SORCS1: variants seen among roughly 807,000 people sequenced by gnomAD.
SORCS1 encodes sortilin related VPS10 domain containing receptor 1, also known as VPS10 domain-containing receptor SorCS1.
SORCS1 carries 60 observed loss-of-function variants against 146.1 expected under a neutral mutation model. The observed-to-expected ratio is 0.41, with a 90% confidence interval of 0.33 to 0.51. The LOEUF (loss-of-function observed/expected upper bound fraction) is 0.51. Among genes scored for constraint, SORCS1 ranks in the 20% least tolerant of loss-of-function variants. The probability of loss-of-function intolerance (pLI) is 0.21; values close to 1 mark genes in which losing one functional copy is unlikely to be tolerated. For synonymous variants in SORCS1, 637 were observed against 584.0 expected (o/e 1.09, Z -1.31); for missense variants, 1,352 against 1,487.6 (o/e 0.91, Z 1.50).
At chr10:107,118,730 C>T (rs1267766442) in intron 1 of SORCS1, among the ~76,000 whole-genome samples, 1 of 152,162 alleles carries the variant, frequency 6.6e-6, no homozygotes, top group Non-Finnish European at 1.5e-5. Context: ...GCAATAGTAA[C>T]TACATTTTTT....
In SORCS1 at chr10:106,735,327, C is replaced by A. The variant is rs531229473; in HGVS notation, c.960-5213G>T. Among the ~76,000 whole-genome samples the A allele has an allele frequency of 8.8e-4, 134 of 152,116 alleles. 1 individual carries two copies. Among genetic ancestry groups the A allele is most frequent in the South Asian group, 1.7e-3 (8 of 4,806 alleles). On this transcript the variant is annotated intron_variant, in intron 5 of 25. Coordinates refer to ENST00000263054, the MANE Select transcript of SORCS1 (RefSeq NM_052918.5). Reference sequence around the variant, plus strand: ...TATTTAGTCAGTGAAACATTCCAAACCCCTACTATGAAATAAGAATGAGGG... The same window carrying A: ...TATTTAGTCAGTGAAACATTCCAAAACCCTACTATGAAATAAGAATGAGGG...
chr10:107,058,080 C>T (rs1011060549), intron 1 of SORCS1, among the ~76,000 whole-genome samples: 2 of 152,052 alleles, frequency 1.3e-5, no homozygotes, highest in Admixed American at 6.5e-5. Context: ...CTTGCTCTGT[C>T]GCCCAGGCTG....
chr10:106,581,704 A>T (rs1844927537), intron 24 of SORCS1, among the ~76,000 whole-genome samples: 1 of 152,172 alleles, frequency 6.6e-6, no homozygotes, highest in Non-Finnish European at 1.5e-5. Context: ...CACAACCTCC[A>T]ACCACTGGAT....
At chr10:106,678,772 CT>C (rs926638223) in intron 12 of SORCS1, among the ~76,000 whole-genome samples, 1 of 152,172 alleles carries the variant, frequency 6.6e-6, no homozygotes, top group African/African-American at 2.4e-5. Context: ...GGTTATTACT[CT>C]GTCTTTTGCA....
At chr10:106,637,263 G>C (rs890998028) in intron 18 of SORCS1, among the ~76,000 whole-genome samples, 1 of 152,170 alleles carries the variant, frequency 6.6e-6, no homozygotes, top group Non-Finnish European at 1.5e-5. Flanking sequence ...GTCCTCTCTG[G>C]CTTCTCTTCC....
intron 3 of SORCS1, among the ~76,000 whole-genome samples, chr10:106,820,892 G>C (rs1423795034): frequency 6.6e-6 from 1 of 152,146 alleles, no homozygotes; most frequent in Non-Finnish European, 1.5e-5. Flanking sequence ...GCATAACTTG[G>C]AACCAACCAG....
intron 5 of SORCS1, among the ~76,000 whole-genome samples, chr10:106,731,682 C>T (rs1244874030): frequency 6.6e-6 from 1 of 151,976 alleles, no homozygotes; most frequent in East Asian, 1.9e-4. Context: ...TGTGTTTTTC[C>T]AATATGAAGG....
intron 2 of SORCS1, among the ~76,000 whole-genome samples, chr10:106,857,982 C>T (rs888027716): frequency 6.6e-6 from 1 of 152,212 alleles, no homozygotes; most frequent in African/African-American, 2.4e-5. Context: ...TTCAAATGTG[C>T]TGCCGAGACA....
intron 2 of SORCS1, among the ~76,000 whole-genome samples, chr10:106,899,760 C>T (rs1951630556): frequency 6.6e-6 from 1 of 152,010 alleles, no homozygotes; most frequent in African/African-American, 2.4e-5. Context: ...ATTCAAAATC[C>T]CTTAACTTCC....
At chr10:107,015,128 TA>T (rs972275644) in intron 1 of SORCS1, among the ~76,000 whole-genome samples, 3 of 152,342 alleles carry the variant, frequency 2.0e-5, no homozygotes, top group African/African-American at 7.2e-5. Flanking sequence ...AGATTACGCT[TA>T]ACCCTATGAT....
chr10:107,024,569 G>A (rs1227926863), intron 1 of SORCS1, among the ~76,000 whole-genome samples: 4 of 152,126 alleles, frequency 2.6e-5, no homozygotes, highest in Non-Finnish European at 5.9e-5. Flanking sequence ...GCCAACTCTA[G>A]ATTTCTGTAA....
Position 106,923,536 on chromosome 10 carries a change from C to A in SORCS1, c.626+32977G>T, listed in dbSNP as rs189208791. ...TTATGTTTAGTTTTATAAGAAACTGCGAAACTGTTTTCCAATGTGGCTGAA... is the reference window on the plus strand; with the variant it reads ...TTATGTTTAGTTTTATAAGAAACTGAGAAACTGTTTTCCAATGTGGCTGAA... On this transcript the variant is annotated intron_variant, in intron 2 of 25. Coordinates refer to ENST00000263054, the MANE Select transcript of SORCS1 (RefSeq NM_052918.5). 2.2e-3 allele frequency among the ~76,000 whole-genome samples: 328 copies of A among 152,220 alleles called. 6 individuals are homozygous for A. Among genetic ancestry groups the A allele is most frequent in the East Asian group, 7.7e-4 (4 of 5,178 alleles).
chr10:106,654,882 G>A (rs1295242629), intron 17 of SORCS1, among the ~76,000 whole-genome samples: 1 of 151,460 alleles, frequency 6.6e-6, no homozygotes, highest in Non-Finnish European at 1.5e-5. Flanking sequence ...AGACAGTCTC[G>A]CTCTGTTGCC....
intron 1 of SORCS1, among the ~76,000 whole-genome samples, chr10:107,148,908 T>C (rs1205486349): frequency 6.6e-6 from 1 of 152,220 alleles, no homozygotes; most frequent in Non-Finnish European, 1.5e-5. Flanking sequence ...TCTTACCTAA[T>C]TTTTGTCTTA....
chr10:107,005,337 G>T (rs1420010474), intron 1 of SORCS1, among the ~76,000 whole-genome samples: 1 of 151,554 alleles, frequency 6.6e-6, no homozygotes, highest in African/African-American at 2.4e-5. Flanking sequence ...TTCGGGGGCG[G>T]GGGGTAGGGA....
intron 1 of SORCS1, among the ~76,000 whole-genome samples, chr10:106,998,870 G>A (rs1337255680): frequency 6.6e-6 from 1 of 152,218 alleles, no homozygotes; most frequent in Non-Finnish European, 1.5e-5. Flanking sequence ...AGTCTCTAGA[G>A]TAGAATCAGA....
the SORCS1 span, among the ~76,000 whole-genome samples, chr10:107,177,224 C>G: frequency 6.6e-6 from 1 of 152,120 alleles, no homozygotes; most frequent in Admixed American, 6.6e-5. Flanking sequence ...TCTTTTAAAA[C>G]ACCACATTGT....
chr10:107,082,612 G>T (rs1259754685), intron 1 of SORCS1, among the ~76,000 whole-genome samples: 2 of 151,954 alleles, frequency 1.3e-5, no homozygotes, highest in Non-Finnish European at 2.9e-5. Context: ...CTCCAAAGTA[G>T]CTGGGATTAC....
chr10:106,915,789 T>C (rs1952392263), intron 2 of SORCS1, among the ~76,000 whole-genome samples: 1 of 152,174 alleles, frequency 6.6e-6, no homozygotes, highest in Non-Finnish European at 1.5e-5. Flanking sequence ...CCCTTCCAGT[T>C]TGTTGCACTC....
Sources: gnomAD v4.1 joint callset for allele counts (sites outside exome capture counted in the v4.1 genomes callset) on GRCh38, gnomAD v4.1.1 for gene constraint, MANE v1.5 for transcripts, NCBI Gene and HGNC (gene_info 2026-07-23, HGNC 2026-07-21) for gene names.